Variants in TNIK observed in about 807,000 individuals in gnomAD.
TNIK encodes TRAF2 and NCK interacting kinase, also known as TRAF2 and NCK-interacting protein kinase.
A neutral mutation model predicts 191.3 loss-of-function variants in TNIK; 49 were observed. The ratio of observed to expected loss-of-function variants is 0.26; its 90% CI spans 0.20 to 0.32. The LOEUF (loss-of-function observed/expected upper bound fraction) is 0.32, where lower values mean the gene tolerates loss of function less well. TNIK is among the 10% of genes least tolerant of loss of function. The pLI is 1.00. For missense variants in TNIK, 1,155 were observed against 1,702.3 expected, an observed-to-expected ratio of 0.68 and a Z score of 5.66; for synonymous variants, 594 against 600.9, an observed-to-expected ratio of 0.99 and a Z score of 0.17.
intron 28 of TNIK, among the ~76,000 whole-genome samples, chr3:171,072,904 G>A (rs1417243649): frequency 6.6e-6 from 1 of 152,034 alleles, no homozygotes; most frequent in African/African-American, 2.4e-5. Flanking sequence ...ACAAAGCACT[G>A]ATGAAGAAAC....
chr3:171,364,541 T>C (rs1168249248), intron 2 of TNIK, among the ~76,000 whole-genome samples: 1 of 152,178 alleles, frequency 6.6e-6, no homozygotes, highest in African/African-American at 2.4e-5. Flanking sequence ...AGTGTCAACA[T>C]TTACTGTGTG....
intron 2 of TNIK, among the ~76,000 whole-genome samples, chr3:171,300,625 A>C (rs1752782561): frequency 6.6e-6 from 1 of 152,198 alleles, no homozygotes; most frequent in African/African-American, 2.4e-5. Context: ...ATATTGATGA[A>C]ATATTCAAAT....
chr3:171,434,792 T>C (rs989209324), intron 1 of TNIK, among the ~76,000 whole-genome samples: 5 of 152,180 alleles, frequency 3.3e-5, no homozygotes, highest in African/African-American at 7.2e-5. Context: ...TTCTTTTATG[T>C]CTTGCCTTTA....
chr3:171,377,427 C>T (rs1426598457), intron 1 of TNIK, among the ~76,000 whole-genome samples: 1 of 152,254 alleles, frequency 6.6e-6, no homozygotes, highest in African/African-American at 2.4e-5. Context: ...AGCCTGTCCT[C>T]ACAAAGTCGG....
intron 15 of TNIK, among the ~76,000 whole-genome samples, chr3:171,130,783 C>T (rs1729136416): frequency 6.6e-6 from 1 of 152,212 alleles, no homozygotes; most frequent in Admixed American, 6.5e-5. Context: ...TGAATTCCCA[C>T]TATCCAAACC....
At chr3:171,337,961 T>C (rs939123765) in intron 2 of TNIK, among the ~76,000 whole-genome samples, 2 of 152,186 alleles carry the variant, frequency 1.3e-5, no homozygotes, top group Non-Finnish European at 2.9e-5. Flanking sequence ...CATCCTAGCA[T>C]AAGCAGAAGG....
chr3:171,094,452 T>G (rs976738903), intron 22 of TNIK, among the ~76,000 whole-genome samples: 3 of 152,154 alleles, frequency 2.0e-5, no homozygotes, highest in African/African-American at 7.2e-5. Context: ...ATATTAATTT[T>G]AATGTGTGTT....
intron 2 of TNIK, among the ~76,000 whole-genome samples, chr3:171,251,847 A>G (rs13090151): frequency 0.18 from 26,783 of 152,132 alleles, 2,544 homozygotes; most frequent in Non-Finnish European, 0.19. Context: ...TACATTTAAT[A>G]TCATTCTAAA....
At chr3:171,195,982 T>C (rs1436483567) in intron 4 of TNIK, among the ~76,000 whole-genome samples, 1 of 152,180 alleles carries the variant, frequency 6.6e-6, no homozygotes, top group East Asian at 1.9e-4. Flanking sequence ...TAGATAAGAA[T>C]AATAGCTGTA....
At chr3:171,368,633 C>T (rs565126644) in intron 2 of TNIK, among the ~76,000 whole-genome samples, 2 of 152,140 alleles carry the variant, frequency 1.3e-5, no homozygotes, top group Middle Eastern at 3.4e-3. Flanking sequence ...CTTAGAATCT[C>T]GAGAATACCC....
chr3:171,106,437 A>AAAAGTAGTG (rs1724900050), intron 21 of TNIK, among the ~76,000 whole-genome samples: 1 of 152,294 alleles, frequency 6.6e-6, no homozygotes, highest in Middle Eastern at 3.4e-3. Context: ...TAAATTTCAC[A>AAAAGTAGTG]AAAGTAGTGC....
intron 2 of TNIK, among the ~76,000 whole-genome samples, chr3:171,292,775 CAA>C (rs59314303): frequency 4.2e-4 from 36 of 85,038 alleles, no homozygotes; most frequent in African/African-American, 1.1e-3. Context: ...GACTCCATCT[CAA>C]AAAAAAAAAA....
At chr3:171,072,358 TA>T (rs1719295680) in intron 28 of TNIK, among the ~76,000 whole-genome samples, 1 of 152,156 alleles carries the variant, frequency 6.6e-6, no homozygotes, top group Non-Finnish European at 1.5e-5. Flanking sequence ...AAGTGTTTAT[TA>T]GACTATTTTT....
At chr3:171,078,000 C>G (rs1576916301) in intron 28 of TNIK, among the ~76,000 whole-genome samples, 1 of 152,112 alleles carries the variant, frequency 6.6e-6, no homozygotes, top group East Asian at 1.9e-4. Context: ...TTTTAAGCTT[C>G]TATATTGCTG....
intron 1 of TNIK, among the ~76,000 whole-genome samples, chr3:171,416,792 C>T (rs1238751566): frequency 6.6e-6 from 1 of 152,142 alleles, no homozygotes; most frequent in Admixed American, 6.5e-5. Flanking sequence ...ATTATGAAAA[C>T]TATATTTCCT....
At chr3:171,130,163 T>C (rs1268914760) in intron 15 of TNIK, among the ~76,000 whole-genome samples, 2 of 152,230 alleles carry the variant, frequency 1.3e-5, no homozygotes, top group African/African-American at 4.8e-5. Context: ...AATAAAAACT[T>C]GAAAGAGCTA....
At chr3:171,172,561 G>A (rs1193970286) in intron 9 of TNIK, among the ~76,000 whole-genome samples, 1 of 152,150 alleles carries the variant, frequency 6.6e-6, no homozygotes, top group Non-Finnish European at 1.5e-5. Flanking sequence ...CTTAAAAACT[G>A]GTGGAATTGT....
intron 2 of TNIK, among the ~76,000 whole-genome samples, chr3:171,255,070 G>T (rs927266291): frequency 6.6e-6 from 1 of 152,126 alleles, no homozygotes; most frequent in East Asian, 1.9e-4. Flanking sequence ...TGCCATCCTA[G>T]CCTCTTCCTC....
chr3:171,382,023 C>T (rs2108522007), intron 1 of TNIK, among the ~76,000 whole-genome samples: 1 of 152,326 alleles, frequency 6.6e-6, no homozygotes, highest in African/African-American at 2.4e-5. Context: ...AAACAAACTT[C>T]TATCTTCCTT....
Sources: allele counts gnomAD v4.1 joint callset (sites outside exome capture counted in the v4.1 genomes callset), GRCh38; gene constraint gnomAD v4.1.1; transcripts MANE v1.5; gene names NCBI Gene and HGNC (gene_info 2026-07-23, HGNC 2026-07-21).